The following SLC14A2 variants were observed in gnomAD, a reference collection of about 807,000 sequenced individuals.
SLC14A2 encodes the protein urea transporter 2.
SLC14A2 carries 91 observed loss-of-function variants against 104.6 expected under a neutral mutation model. That is an observed-to-expected ratio of 0.87 (90% CI 0.73 to 1.04). The LOEUF (loss-of-function observed/expected upper bound fraction) is 1.04. SLC14A2 is among the 50% of genes least tolerant of loss of function. The probability of loss-of-function intolerance (pLI) is 0.00; values close to 1 mark genes in which losing one functional copy is unlikely to be tolerated. For synonymous variants in SLC14A2, 476 were observed against 466.4 expected (o/e 1.02, Z -0.27); for missense variants, 1,189 against 1,156.0 (o/e 1.03, Z -0.41).
Position 45,650,647 on chromosome 18 carries a change from G to T in SLC14A2, c.1351+6487G>T, listed in dbSNP as rs145429507. 5.9e-3 allele frequency among the ~76,000 whole-genome samples: 904 copies of T among 152,336 alleles called. 4 individuals carry two copies. The highest frequency in any genetic ancestry group is 0.01 in the South Asian group (49 of 4,832). ...ATTTTATGGGAATTTACCTGGCCAG[G>T]TGAATAGTCTCACCTGAGGTGAAGA... On this transcript the variant is annotated intron_variant, in intron 10 of 19. Transcript: ENST00000255226.
At chr18:45,382,782 G>A (rs775307531) in intron 1 of SLC14A2, among the ~76,000 whole-genome samples, 5 of 152,182 alleles carry the variant, frequency 3.3e-5, no homozygotes, top group Non-Finnish European at 5.9e-5. Context: ...ACTTCACGTA[G>A]CTCTTTTGAA....
chr18:45,220,183 C>T (rs10502861), intron 1 of SLC14A2, among the ~76,000 whole-genome samples: 48,331 of 151,976 alleles, frequency 0.32, 8,261 homozygotes, highest in African/African-American at 0.46. Flanking sequence ...AGTAAGCAAG[C>T]AGCTGATTTG....
At chr18:45,181,846 A>G in the SLC14A2 span, among the ~76,000 whole-genome samples, 1 of 152,166 alleles carries the variant, frequency 6.6e-6, no homozygotes, top group Non-Finnish European at 1.5e-5. Context: ...AGATTAAGAT[A>G]ATTTGAATAT....
chr18:45,461,265 G>A (rs1470496140), intron 1 of SLC14A2, among the ~76,000 whole-genome samples: 1 of 152,132 alleles, frequency 6.6e-6, no homozygotes, highest in Non-Finnish European at 1.5e-5. Context: ...ACTTGCATTG[G>A]GGAAAGCATC....
At chr18:45,360,054 C>T (rs147970304) in intron 1 of SLC14A2, among the ~76,000 whole-genome samples, 72 of 152,324 alleles carry the variant, frequency 4.7e-4, no homozygotes, top group African/African-American at 1.5e-3. Flanking sequence ...TTAGCCCAGA[C>T]GAGCTGTACT....
chr18:45,304,271 A>G (rs569139429), intron 1 of SLC14A2, among the ~76,000 whole-genome samples: 1 of 152,342 alleles, frequency 6.6e-6, no homozygotes, highest in South Asian at 2.1e-4. Flanking sequence ...ATCAATGTAG[A>G]AAAATGTAAG....
chr18:45,494,380 A>G (rs1196750844), intron 2 of SLC14A2, among the ~76,000 whole-genome samples: 1 of 151,634 alleles, frequency 6.6e-6, no homozygotes, highest in Non-Finnish European at 1.5e-5. Flanking sequence ...AACACCATCC[A>G]CCCTTGTGAT....
At chr18:45,578,402 G>A (rs1203667622) in intron 2 of SLC14A2, among the ~76,000 whole-genome samples, 1 of 152,156 alleles carries the variant, frequency 6.6e-6, no homozygotes, top group Non-Finnish European at 1.5e-5. Flanking sequence ...ACTGTCTCAA[G>A]GCCAAGCCTA....
At chr18:45,536,518 T>G (rs1413493851) in intron 2 of SLC14A2, among the ~76,000 whole-genome samples, 1 of 152,170 alleles carries the variant, frequency 6.6e-6, no homozygotes, top group Non-Finnish European at 1.5e-5. Flanking sequence ...GCCTCTGTCT[T>G]CACATGGCCT....
chr18:45,599,162 T>A (rs1168993367), intron 2 of SLC14A2, among the ~76,000 whole-genome samples: 1 of 152,266 alleles, frequency 6.6e-6, no homozygotes, highest in Admixed American at 6.5e-5. Flanking sequence ...GTAGCGTTTA[T>A]ATCTCTTACT....
chr18:45,365,082 C>G (rs1348343085), intron 1 of SLC14A2, among the ~76,000 whole-genome samples: 3 of 152,114 alleles, frequency 2.0e-5, no homozygotes, highest in African/African-American at 7.2e-5. Context: ...GGGTCTTCTC[C>G]CTTCTTCCCA....
chr18:45,321,683 A>C (rs1365356739), intron 1 of SLC14A2, among the ~76,000 whole-genome samples: 2 of 152,170 alleles, frequency 1.3e-5, no homozygotes, highest in African/African-American at 2.4e-5. Context: ...AGTCCGGGGG[A>C]TGCTGTGTGT....
At chr18:45,639,434 C>A (rs780470337) in intron 6 of SLC14A2, among the ~76,000 whole-genome samples, 11 of 152,146 alleles carry the variant, frequency 7.2e-5, no homozygotes, top group Admixed American at 6.5e-5. Context: ...AAACTCCCAG[C>A]GGCATTCTAG....
At chr18:45,520,184 A>G (rs9807560) in intron 2 of SLC14A2, among the ~76,000 whole-genome samples, 2,050 of 152,338 alleles carry the variant, frequency 0.013, 39 homozygotes, top group African/African-American at 0.047. Flanking sequence ...TGGACTCAGT[A>G]CCTAGCACTA....
At chr18:45,396,035 T>C (rs905523961) in intron 1 of SLC14A2, among the ~76,000 whole-genome samples, 1 of 152,194 alleles carries the variant, frequency 6.6e-6, no homozygotes, top group Non-Finnish European at 1.5e-5. Flanking sequence ...TTGGCTAGCA[T>C]ATCCCACAAC....
chr18:45,536,792 T>A (rs1223624862), intron 2 of SLC14A2, among the ~76,000 whole-genome samples: 1 of 152,148 alleles, frequency 6.6e-6, no homozygotes, highest in Non-Finnish European at 1.5e-5. Context: ...TTTGTCACAT[T>A]GTAAGGGCAA....
intron 1 of SLC14A2, among the ~76,000 whole-genome samples, chr18:45,622,708 C>A (rs1240475536): frequency 1.3e-5 from 2 of 152,098 alleles, no homozygotes; most frequent in Non-Finnish European, 2.9e-5. Flanking sequence ...ATATAACGGC[C>A]AAAGAGTGTG....
chr18:45,286,150 C>G (rs1373714228), intron 1 of SLC14A2, among the ~76,000 whole-genome samples: 1 of 152,210 alleles, frequency 6.6e-6, no homozygotes, highest in Non-Finnish European at 1.5e-5. Flanking sequence ...TCTTCCAAGA[C>G]TGGTCTTCCA....
chr18:45,352,380 C>G (rs1336768349), intron 1 of SLC14A2, among the ~76,000 whole-genome samples: 3 of 152,166 alleles, frequency 2.0e-5, no homozygotes, highest in African/African-American at 4.8e-5. Flanking sequence ...ACGAATTGTT[C>G]ATGACATAGT....
Sources: gnomAD v4.1 joint callset for allele counts (sites outside exome capture counted in the v4.1 genomes callset) on GRCh38, gnomAD v4.1.1 for gene constraint, MANE v1.5 for transcripts, NCBI Gene and HGNC (gene_info 2026-07-23, HGNC 2026-07-21) for gene names.